The following C12orf56 variants were observed in gnomAD, a reference collection of about 807,000 sequenced individuals.
C12orf56 encodes the protein chromosome 12 open reading frame 56.
In C12orf56, 71 loss-of-function variants were observed where a neutral mutation model predicts 69.9. That is an observed-to-expected ratio of 1.02 (90% CI 0.84 to 1.24). The LOEUF (loss-of-function observed/expected upper bound fraction) is 1.24, where lower values mean the gene tolerates loss of function less well. C12orf56 is among the 50% of genes most tolerant of loss of function. C12orf56 has a pLI of 0.00. For synonymous variants in C12orf56, 276 were observed against 274.1 expected, an observed-to-expected ratio of 1.01 and a Z score of -0.07; for missense variants, 732 against 738.5, an observed-to-expected ratio of 0.99 and a Z score of 0.10.
chr12:64,312,020 TG>T (rs2038623947), intron 5 of C12orf56, among the ~76,000 whole-genome samples: 1 of 152,134 alleles, frequency 6.6e-6, no homozygotes, highest in African/African-American at 2.4e-5. Context: ...ATGTGATGAC[TG>T]GCTGGATGCT....
At chr12:64,327,508 C>T (rs978567619) in intron 3 of C12orf56, among the ~76,000 whole-genome samples, 1 of 152,108 alleles carries the variant, frequency 6.6e-6, no homozygotes, top group Non-Finnish European at 1.5e-5. Flanking sequence ...AGTGGTGTTT[C>T]TTAGTTGCCA....
At chr12:64,329,986 T>C (rs887604693) in intron 3 of C12orf56, among the ~76,000 whole-genome samples, 2 of 152,094 alleles carry the variant, frequency 1.3e-5, no homozygotes, top group Non-Finnish European at 2.9e-5. Context: ...GCAATAAACA[T>C]ACGTGTGCAT....
chr12:64,343,707 A>T (rs892694410), intron 2 of C12orf56, among the ~76,000 whole-genome samples: 5 of 152,218 alleles, frequency 3.3e-5, no homozygotes, highest in African/African-American at 1.2e-4. Context: ...AGACAGATGA[A>T]CAGGGATGTG....
intron 4 of C12orf56, among the ~76,000 whole-genome samples, chr12:64,317,611 T>C (rs889570148): frequency 1.9e-4 from 29 of 151,984 alleles, no homozygotes; most frequent in African/African-American, 7.0e-4. Flanking sequence ...AATACAAAAA[T>C]TAGCCGGGCG....
intron 2 of C12orf56, among the ~76,000 whole-genome samples, chr12:64,352,598 C>T (rs1405082808): frequency 6.6e-6 from 1 of 152,168 alleles, no homozygotes; most frequent in Non-Finnish European, 1.5e-5. Context: ...GAGTTCGAGC[C>T]TTGTGCAGGA....
intron 1 of C12orf56, among the ~76,000 whole-genome samples, chr12:64,364,454 G>A (rs1014530341): frequency 6.6e-6 from 1 of 152,076 alleles, no homozygotes; most frequent in Non-Finnish European, 1.5e-5. Context: ...AGAGGCATTG[G>A]GGGTGCTGGC....
At chr12:64,318,171 A>G (rs571418555) in intron 4 of C12orf56, among the ~76,000 whole-genome samples, 4 of 152,122 alleles carry the variant, frequency 2.6e-5, no homozygotes, top group Middle Eastern at 3.4e-3. Context: ...ATTGATTCTC[A>G]TGCCTCAGCC....
intron 1 of C12orf56, among the ~76,000 whole-genome samples, chr12:64,384,152 G>A (rs999788247): frequency 3.3e-5 from 5 of 152,166 alleles, no homozygotes; most frequent in Non-Finnish European, 5.9e-5. Context: ...GCAGAGAGAA[G>A]CTAAGCAGTT....
chr12:64,344,373 G>A (rs934178316), intron 2 of C12orf56, among the ~76,000 whole-genome samples: 2 of 152,112 alleles, frequency 1.3e-5, no homozygotes, highest in Non-Finnish European at 2.9e-5. Flanking sequence ...TTGTCCATTC[G>A]ACCTAGAAGT....
intron 5 of C12orf56, among the ~76,000 whole-genome samples, chr12:64,304,545 C>A (rs1227809642): frequency 1.3e-5 from 2 of 152,170 alleles, no homozygotes; most frequent in Non-Finnish European, 2.9e-5. Context: ...TTTCACACTC[C>A]TAGTATCACA....
chr12:64,267,388 G>T, intron 12 of C12orf56, 100 bp from the exon 13 acceptor site: 1 of 912,418 alleles, frequency 1.1e-6, no homozygotes, highest in Non-Finnish European at 1.7e-6. Flanking sequence ...GGGTTGTTGG[G>T]TGTGGGAATC....
At chr12:64,366,437 C>T (rs1358497891) in intron 1 of C12orf56, among the ~76,000 whole-genome samples, 2 of 37,474 alleles carry the variant, frequency 5.3e-5, no homozygotes, top group Non-Finnish European at 1.0e-4. Context: ...TTATATATAA[C>T]ATACAGTTTA....
rs899695861 is a variant in C12orf56, at chr12:64,267,886, A to G, written c.1764-598T>C. Among the ~76,000 whole-genome samples, 4 of 152,268 alleles carry G rather than the reference A, an allele frequency of 2.6e-5. No individual in the cohort carries two copies. The South Asian group carries it at 6.2e-4, about 24-fold the overall frequency. On this transcript the variant is annotated intron_variant, in intron 12 of 12. Coordinates refer to ENST00000543942, the MANE Select transcript of C12orf56 (RefSeq NM_001170633.2). ...ACACCTGGTTATCAGTATTTTTTTAATAGGTTGAGTATCTCTTATCCAAAA... is the reference window on the plus strand; with the variant it reads ...ACACCTGGTTATCAGTATTTTTTTAGTAGGTTGAGTATCTCTTATCCAAAA...
intron 8 of C12orf56, among the ~76,000 whole-genome samples, chr12:64,282,359 T>C (rs913686517): frequency 6.6e-6 from 1 of 152,248 alleles, no homozygotes; most frequent in African/African-American, 2.4e-5. Flanking sequence ...GTACTGCTTA[T>C]GGCTGCTTTT....
At chr12:64,342,929 A>T (rs902183416) in intron 2 of C12orf56, among the ~76,000 whole-genome samples, 3 of 152,222 alleles carry the variant, frequency 2.0e-5, no homozygotes, top group Non-Finnish European at 4.4e-5. Context: ...GCCAGGTCAT[A>T]TGGCCCAAGT....
At chr12:64,352,541 T>A (rs2039243798) in intron 2 of C12orf56, 1 of 158,608 alleles carries the variant, frequency 6.3e-6, no homozygotes, top group South Asian at 2.0e-4. Context: ...CCGCAATGGA[T>A]GGGGGTGCCC....
intron 1 of C12orf56, among the ~76,000 whole-genome samples, chr12:64,382,599 G>T (rs1017165036): frequency 1.3e-5 from 2 of 152,136 alleles, no homozygotes; most frequent in Non-Finnish European, 2.9e-5. Flanking sequence ...TGATGGCTGG[G>T]CACGGTGGCT....
chr12:64,371,614 T>G (rs1344972654), intron 1 of C12orf56, among the ~76,000 whole-genome samples: 2 of 152,058 alleles, frequency 1.3e-5, no homozygotes, highest in African/African-American at 4.8e-5. Context: ...GTGGATCATC[T>G]GAGGTCAGGA....
intron 2 of C12orf56, chr12:64,338,730 C>A: frequency 6.7e-7 from 1 of 1,500,112 alleles, no homozygotes. Context: ...TCATTGGCTT[C>A]TTGTTCAATG....
Sources: allele counts gnomAD v4.1 joint callset (sites outside exome capture counted in the v4.1 genomes callset), GRCh38; gene constraint gnomAD v4.1.1; transcripts MANE v1.5; gene names NCBI Gene and HGNC (gene_info 2026-07-23, HGNC 2026-07-21).